Variants in ARHGAP17 observed in about 807,000 individuals in gnomAD.
The protein encoded by ARHGAP17 is Rho GTPase activating protein 17.
In ARHGAP17, 57 loss-of-function variants were observed where a neutral mutation model predicts 99.5. That is an observed-to-expected ratio of 0.57 (90% confidence interval 0.46 to 0.71). ARHGAP17 has a LOEUF of 0.71. ARHGAP17 is among the 30% of genes least tolerant of loss of function. The pLI is 0.00. For missense variants in ARHGAP17, 1,000 were observed against 1,122.4 expected, an observed-to-expected ratio of 0.89 and a Z score of 1.56; for synonymous variants, 417 against 429.6, an observed-to-expected ratio of 0.97 and a Z score of 0.36.
chr16:25,008,291 T>C (rs1045613911), intron 1 of ARHGAP17, among the ~76,000 whole-genome samples: 2 of 152,250 alleles, frequency 1.3e-5, no homozygotes, highest in African/African-American at 4.8e-5. Flanking sequence ...TGGGAATATA[T>C]GTATATATAT....
rs1276981889 is a variant in ARHGAP17, at chr16:24,942,129, C to T, written c.1348G>A (p.Val450Ile). ...GTGAGAGGTACAAATGCTTCTGATA[C>T]ATTAAATTCCACCTCTGCAAGAGGA... ...WFFPEEVEFN[V>I]SEAFVPLTTP... The change falls in exon 16 of 20, where the codon GTA becomes ATA. Residue 450 changes from valine to isoleucine, a missense_variant. Coordinates refer to ENST00000289968, the MANE Select transcript of ARHGAP17 (RefSeq NM_001006634.3). 6.7e-7 allele frequency: 1 copy of T among 1,483,006 alleles called. No individual in the cohort carries two copies. The highest frequency in any genetic ancestry group is 1.1e-5 in the South Asian group (1 of 89,184). The allele number at this position is 1,483,006 out of a possible 1,614,324, so 91.9% of individuals were successfully genotyped here. A position where few individuals can be genotyped will look rare whatever the true frequency, so the allele number is the denominator to read the frequency against.
chr16:24,986,834 G>T (rs1366770542), intron 1 of ARHGAP17, among the ~76,000 whole-genome samples: 2 of 152,206 alleles, frequency 1.3e-5, no homozygotes, highest in Admixed American at 1.3e-4. Flanking sequence ...TCGACATTCT[G>T]CCTCATAGGC....
chr16:24,925,977 G>C (rs1190788506), intron 19 of ARHGAP17, among the ~76,000 whole-genome samples: 1 of 151,818 alleles, frequency 6.6e-6, no homozygotes, highest in Non-Finnish European at 1.5e-5. Flanking sequence ...GGGCGTGGTG[G>C]TGGGCGCCTG....
intron 9 of ARHGAP17, 78 bp from the exon 10 acceptor site, chr16:24,954,808 T>C (rs1005374294): frequency 1.9e-6 from 3 of 1,571,084 alleles, no homozygotes; most frequent in Non-Finnish European, 2.6e-6. Flanking sequence ...AACTACCCAA[T>C]GGGCTTTTCT....
At position 25,015,223 on chromosome 16, in the gene ARHGAP17, GT is replaced by G; in HGVS notation, c.38del (p.Asn13ThrfsTer59). The G allele has an allele frequency of 7.4e-7, 1 of 1,358,430 alleles. No homozygotes were observed. The allele number at this position is 1,358,430 out of a possible 1,614,324, so 84.1% of individuals were successfully genotyped here. A position where few individuals can be genotyped will look rare whatever the true frequency, so the allele number is the denominator to read the frequency against. Reference protein sequence around the residue: ...KQFNRMKQLANQTVGRAEKTE... With the variant: ...KQFNRMKQLAXQTVGRAEKTE... ...GGCGCACTCGCCTGCCCACGGTCTG[GT>G]TAGCCAGCTGCTTCATGCGGTTGAA... On this transcript the variant is annotated frameshift_variant, in exon 1 of 20. Transcript: ENST00000289968. LOFTEE classifies it high-confidence loss of function.
chr16:24,977,268 G>T lies in ARHGAP17; in HGVS notation c.145C>A (p.Arg49Ser), dbSNP rs1158423090. The part of the protein sequence containing the change: ...VRSICHHSHK[R>S]LVACFQGQHG... ...TGGCCCTGGAAACATGCCACCAAGC[G>T]CTTATGGGAATGGTGGCATATTGAC... is the stretch of plus-strand genomic sequence containing the variant. Residue 49 changes from arginine (R) to serine (S), a missense_variant, in exon 3 of 20, where the codon CGC becomes AGC. By Grantham distance (110) the Arg-to-Ser change is moderately radical. Coordinates refer to ENST00000289968, the MANE Select transcript of ARHGAP17 (RefSeq NM_001006634.3). 6.3e-7 allele frequency: 1 copy of T among 1,596,920 alleles called. No individual in the cohort carries two copies. The highest frequency in any genetic ancestry group is 8.6e-7 in the Non-Finnish European group (1 of 1,168,338).
chr16:24,995,736 C>T (rs1457964459), intron 1 of ARHGAP17, among the ~76,000 whole-genome samples: 1 of 151,974 alleles, frequency 6.6e-6, no homozygotes, highest in Non-Finnish European at 1.5e-5. Context: ...GGAACTCTGC[C>T]GGACTCTGGG....
At chr16:24,993,241 T>C (rs1323660875) in intron 1 of ARHGAP17, among the ~76,000 whole-genome samples, 1 of 152,204 alleles carries the variant, frequency 6.6e-6, no homozygotes, top group Non-Finnish European at 1.5e-5. Flanking sequence ...TTTACCTATA[T>C]TATTTCATTA....
intron 1 of ARHGAP17, among the ~76,000 whole-genome samples, chr16:25,000,976 A>G (rs1305093660): frequency 6.6e-6 from 1 of 152,228 alleles, no homozygotes; most frequent in African/African-American, 2.4e-5. Context: ...GGAACAATTC[A>G]TATTACAACA....
In ARHGAP17 at chr16:24,999,949, G is replaced by A. The variant is rs548598651; in HGVS notation, c.53+15260C>T. Among the ~76,000 whole-genome samples, 7 of 152,174 alleles carry A rather than the reference G, an allele frequency of 4.6e-5. No homozygotes were observed. The South Asian group carries it at 1.5e-3, about 32-fold the overall frequency. Reference sequence around the variant, plus strand: ...CTGTATGTCCTCACTGTCTCATGACGCCTCCCTAGCACACACCACCTTCTT... The same window carrying A: ...CTGTATGTCCTCACTGTCTCATGACACCTCCCTAGCACACACCACCTTCTT... On this transcript the variant is annotated intron_variant, in intron 1 of 19. Transcript: ENST00000289968.
At chr16:24,947,215 T>C (rs770137757) in intron 14 of ARHGAP17, among the ~76,000 whole-genome samples, 9 of 152,176 alleles carry the variant, frequency 5.9e-5, no homozygotes, top group Non-Finnish European at 8.8e-5. Flanking sequence ...TTCTTATCAC[T>C]GTACTGTAGC....
At chr16:24,943,985 A>C in intron 14 of ARHGAP17, 123 bp from the exon 15 acceptor site, 1 of 918,830 alleles carries the variant, frequency 1.1e-6, no homozygotes, top group Non-Finnish European at 1.7e-6. Flanking sequence ...AAAAATCAAA[A>C]TCACTGGCCG....
In ARHGAP17 at chr16:24,999,890, G is replaced by A. The variant is rs377626039; in HGVS notation, c.53+15319C>T. Among the ~76,000 whole-genome samples the A allele has an allele frequency of 5.3e-5, 8 of 152,246 alleles. No homozygotes were observed. The East Asian group carries it at 1.2e-3, about 22-fold the overall frequency. ...GAGCAGTGAAGTGAAGGCTAACCTG[G>A]CTATTTTCCCCAGTGCTGACCTGCT... On this transcript the variant is annotated intron_variant, in intron 1 of 19. Transcript: ENST00000289968.
rs575146071 is a variant in ARHGAP17, at chr16:24,990,988, A to G, written c.54-11983T>C. On this transcript the variant is annotated intron_variant, in intron 1 of 19. Transcript: ENST00000289968. ...CACATTTCAGAAGGAGCTGATGTGC[A>G]TGATTCACAACTGGCTTTACGCTGC... Among the ~76,000 whole-genome samples, 17 of 152,264 alleles carry G rather than the reference A, an allele frequency of 1.1e-4. No individual in the cohort carries two copies. In the South Asian group the frequency reaches 3.3e-3, roughly 30 times the overall value.
chr16:24,927,271 CTT>C (rs1434073360), intron 19 of ARHGAP17, among the ~76,000 whole-genome samples: 25 of 152,294 alleles, frequency 1.6e-4, no homozygotes, highest in African/African-American at 6.0e-4. Flanking sequence ...TAATCTTGGA[CTT>C]TCTCTTATTT....
At chr16:24,978,884 A>C in intron 2 of ARHGAP17, 82 bp downstream of exon 2, 1 of 926,948 alleles carries the variant, frequency 1.1e-6, no homozygotes, top group Non-Finnish European at 1.6e-6. Context: ...AAAAAAAAAA[A>C]AGCCCACAGG....
chr16:24,976,149 T>C (rs2052508512), intron 3 of ARHGAP17, among the ~76,000 whole-genome samples: 1 of 152,176 alleles, frequency 6.6e-6, no homozygotes, highest in African/African-American at 2.4e-5. Context: ...AAACGGGGAA[T>C]GTAACTCCAC....
intron 1 of ARHGAP17, among the ~76,000 whole-genome samples, chr16:25,014,966 A>C (rs1305722409): frequency 6.6e-6 from 1 of 151,510 alleles, no homozygotes; most frequent in African/African-American, 2.4e-5. Context: ...GTGGCGGAGG[A>C]GGCGGCGGCC....
At chr16:24,921,750 A>G (rs1441600097) in intron 19 of ARHGAP17, among the ~76,000 whole-genome samples, 1 of 152,206 alleles carries the variant, frequency 6.6e-6, no homozygotes, top group East Asian at 1.9e-4. Flanking sequence ...TGGAGGTGCC[A>G]AAGTGTCAAA....
Sources: gnomAD v4.1 joint callset for allele counts (sites outside exome capture counted in the v4.1 genomes callset) on GRCh38, gnomAD v4.1.1 for gene constraint, MANE v1.5 for transcripts, NCBI Gene and HGNC (gene_info 2026-07-23, HGNC 2026-07-21) for gene names.